The following SLC6A6 variants were observed in gnomAD, a reference collection of about 807,000 sequenced individuals.
SLC6A6 encodes solute carrier family 6 member 6.
SLC6A6 carries 16 observed loss-of-function variants against 68.8 expected under a neutral mutation model. The observed-to-expected ratio is 0.23, with a 90% CI of 0.16 to 0.35. The LOEUF (loss-of-function observed/expected upper bound fraction) is 0.35, where lower values mean the gene tolerates loss of function less well. Ranked by LOEUF, SLC6A6 falls within the 10% of genes least tolerant of loss-of-function variation. The probability of loss-of-function intolerance (pLI) is 1.00; values close to 1 mark genes in which losing one functional copy is unlikely to be tolerated. For synonymous variants in SLC6A6, 312 were observed against 315.4 expected (o/e 0.99, Z 0.12); for missense variants, 474 against 802.8 (o/e 0.59, Z 4.95).
At position 14,485,149 on chromosome 3, in the gene SLC6A6, TG is replaced by T; in HGVS notation, c.*143del. ...GTCACAGAAAATGTAATTGTGGGTA[TG>T]TGTGCGTGCGTGTGTGTGTGTGTGT... On this transcript the variant is annotated 3_prime_UTR_variant, in exon 15 of 15. Transcript: ENST00000622186. 3.4e-6 allele frequency: 2 copies of T among 590,362 alleles called. No individual in the cohort carries two copies. The highest frequency in any genetic ancestry group is 5.5e-6 in the Non-Finnish European group (2 of 362,302). The allele number at this position is 590,362 out of a possible 1,614,324, so 36.6% of individuals were successfully genotyped here.
chr3:14,447,605 A>G lies in SLC6A6; in HGVS notation c.388A>G (p.Ile130Val), dbSNP rs1291678747. 1 of 1,614,198 alleles carries G rather than the reference A, an allele frequency of 6.2e-7. No individual in the cohort carries two copies. Residue 130 changes from isoleucine to valine, a missense_variant, in exon 5 of 15, where the codon ATT (isoleucine) becomes GTT (valine). Physicochemically the swap from Ile to Val is conservative, Grantham distance 29 (BLOSUM62 3). Transcript: ENST00000622186. ...FSGIGYASVVIVSLLNVYYIV... is the reference protein window; with the variant it reads ...FSGIGYASVVVVSLLNVYYIV... ...AGGTATCGGCTATGCCTCCGTTGTAATTGTGTCCCTCCTGAATGTCTACTA... is the reference window on the plus strand; with the variant it reads ...AGGTATCGGCTATGCCTCCGTTGTAGTTGTGTCCCTCCTGAATGTCTACTA...
chr3:14,479,576 G>C (rs1176057764), intron 13 of SLC6A6, among the ~76,000 whole-genome samples: 3 of 152,064 alleles, frequency 2.0e-5, no homozygotes, highest in African/African-American at 7.3e-5. Context: ...GAAGTAGAGG[G>C]GCCTTTGGGA....
intron 5 of SLC6A6, 144 bp from the exon 6 acceptor site, chr3:14,457,806 C>T: frequency 1.4e-6 from 1 of 692,798 alleles, no homozygotes; most frequent in Admixed American, 2.5e-5. Flanking sequence ...ATGGGGATTC[C>T]TGGGTTTGGA....
At chr3:14,445,281 C>T (rs372322309) in intron 3 of SLC6A6, among the ~76,000 whole-genome samples, 45 of 151,832 alleles carry the variant, frequency 3.0e-4, no homozygotes, top group African/African-American at 4.4e-4. Context: ...ATTAGCCGGG[C>T]GTGGTGGCGG....
chr3:14,461,772 C>T (rs1245902525), intron 6 of SLC6A6, among the ~76,000 whole-genome samples: 2 of 152,226 alleles, frequency 1.3e-5, no homozygotes, highest in East Asian at 3.8e-4. Flanking sequence ...TGAAGCCCCT[C>T]ACCAACAGCC....
chr3:14,435,117 C>T (rs1442577314), intron 2 of SLC6A6, among the ~76,000 whole-genome samples: 2 of 152,188 alleles, frequency 1.3e-5, no homozygotes, highest in Non-Finnish European at 2.9e-5. Flanking sequence ...CTGGCTGGTC[C>T]CCATCCAGAG....
chr3:14,411,471 A>G (rs1699251198), intron 1 of SLC6A6: 1 of 152,322 alleles, frequency 6.6e-6, no homozygotes, highest in Non-Finnish European at 1.5e-5. Context: ...GTAAGCACTC[A>G]AAAAAGATGA....
chr3:14,443,968 G>C (rs1409351280), intron 3 of SLC6A6, 105 bp downstream of exon 3: 1 of 773,492 alleles, frequency 1.3e-6, no homozygotes, highest in Admixed American at 2.2e-5. Flanking sequence ...TGCTTTCCCT[G>C]GCCCCCCCCC....
rs1465833615 is a variant in SLC6A6 at position 14,487,621 on chromosome 3, A to G, written c.*2614A>G. On this transcript the variant is annotated 3_prime_UTR_variant, in exon 15 of 15. Coordinates refer to ENST00000622186, the MANE Select transcript of SLC6A6 (RefSeq NM_003043.6). ...TGTTTAAATCAATTTTTTAAGATGA[A>G]GAAGTGGGAGACACTGCGTTGAGAT... 1 of 152,192 alleles carries G rather than the reference A, an allele frequency of 6.6e-6. No individual in the cohort carries two copies. The highest frequency in any genetic ancestry group is 1.5e-5 in the Non-Finnish European group (1 of 68,064). The allele number at this position is 152,192 out of a possible 1,614,324, so 9.4% of individuals were successfully genotyped here.
At chr3:14,410,193 A>AG (rs1177136487) in intron 1 of SLC6A6, among the ~76,000 whole-genome samples, 1 of 151,742 alleles carries the variant, frequency 6.6e-6, no homozygotes, top group Non-Finnish European at 1.5e-5. Context: ...AAAAAAAAAA[A>AG]AAAAGCCATT....
chr3:14,422,813 AC>A lies in SLC6A6; in HGVS notation c.-12+6362del, dbSNP rs1699513392. 3.9e-5 allele frequency among the ~76,000 whole-genome samples: 6 copies of A among 152,100 alleles called. No individual in the cohort carries two copies. The South Asian group carries it at 1.2e-3, about 32-fold the overall frequency. On this transcript the variant is annotated intron_variant, in intron 2 of 14. Transcript: ENST00000622186. ...ACTCACGCCTCCTACCTCCTTTGCT[AC>A]CTCTGTCACAAGGAGGGGGCTAGGT...
intron 2 of SLC6A6, among the ~76,000 whole-genome samples, chr3:14,421,133 G>C (rs1435497826): frequency 1.3e-5 from 2 of 152,236 alleles, no homozygotes; most frequent in Admixed American, 1.3e-4. Context: ...TCCCTGGGGA[G>C]CTCCTGCCTT....
At position 14,453,030 on chromosome 3, in the gene SLC6A6, C is replaced by T. The variant is rs114007407; in HGVS notation, c.600-4920C>T. On this transcript the variant is annotated intron_variant, in intron 5 of 14. Transcript: ENST00000622186. ...CAAGGCCTGCTCAGCCAATCTTCCCCTGCAGCTGTCGGAAAGAGGAGGCGG... is the reference window on the plus strand; with the variant it reads ...CAAGGCCTGCTCAGCCAATCTTCCCTTGCAGCTGTCGGAAAGAGGAGGCGG... 7.9e-3 allele frequency among the ~76,000 whole-genome samples: 1,201 copies of T among 152,372 alleles called. 10 individuals are homozygous for T. Among genetic ancestry groups the T allele is most frequent in the African/African-American group, 0.027 (1,122 of 41,574 alleles).
intron 9 of SLC6A6, among the ~76,000 whole-genome samples, chr3:14,470,313 A>G (rs554360206): frequency 6.6e-6 from 1 of 152,344 alleles, no homozygotes; most frequent in South Asian, 2.1e-4. Context: ...TTTCTCTAAT[A>G]AGCTTTTAAC....
At chr3:14,483,186 G>A (rs1701048659) in intron 14 of SLC6A6, among the ~76,000 whole-genome samples, 1 of 152,170 alleles carries the variant, frequency 6.6e-6, no homozygotes, top group Admixed American at 6.5e-5. Context: ...AGTGGGGTTG[G>A]CATGGGGGAA....
chr3:14,449,935 A>G (rs1700218264), intron 5 of SLC6A6, among the ~76,000 whole-genome samples: 1 of 152,090 alleles, frequency 6.6e-6, no homozygotes, highest in African/African-American at 2.4e-5. Context: ...TATTTTTGGT[A>G]GAGATGGGGT....
chr3:14,482,185 T>C (rs1701024691), intron 14 of SLC6A6, among the ~76,000 whole-genome samples: 1 of 152,204 alleles, frequency 6.6e-6, no homozygotes, highest in Non-Finnish European at 1.5e-5. Flanking sequence ...GATGCCAAGC[T>C]AAGAGCTGGG....
chr3:14,416,402 T>C lies in SLC6A6; in HGVS notation c.-53-10T>C. 2.5e-6 allele frequency: 1 copy of C among 398,706 alleles called. No homozygotes were observed. Among genetic ancestry groups the C allele is most frequent in the Non-Finnish European group, 4.4e-6 (1 of 226,128 alleles). 24.7% of individuals were successfully genotyped at this position (398,706 alleles called of 1,614,324 possible). A position where few individuals can be genotyped will look rare whatever the true frequency, so the allele number is the denominator to read the frequency against. On this transcript the variant is annotated splice_polypyrimidine_tract_variant and intron_variant, in intron 1 of 14. Transcript: ENST00000622186. ...CTTTCTTCCGTCTTCGCTTCCTCTC[T>C]TTGCAATAGATCCAGAACCAGAACC...
In SLC6A6 at chr3:14,478,489, C is replaced by T; in HGVS notation, c.1371C>T (p.Leu457=). Residue 457 remains leucine, a synonymous_variant, in exon 12 of 15, where the codon CTC becomes CTT. Coordinates refer to ENST00000622186, the MANE Select transcript of SLC6A6 (RefSeq NM_003043.6). ...AGGGTGGCATGTATGTGTTTCAGCT[C>T]TTTGACTACTATGCAGCTAGCGGTG... ...VTEGGMYVFQ[L]FDYYAASGVC... 2 of 1,613,322 alleles carry T rather than the reference C, an allele frequency of 1.2e-6. No individual in the cohort carries two copies. Among genetic ancestry groups the T allele is most frequent in the South Asian group, 1.1e-5 (1 of 91,012 alleles).
Sources: allele counts gnomAD v4.1 joint callset (sites outside exome capture counted in the v4.1 genomes callset), GRCh38; gene constraint gnomAD v4.1.1; transcripts MANE v1.5; gene names NCBI Gene and HGNC (gene_info 2026-07-23, HGNC 2026-07-21).